The following CASK variants were observed in gnomAD, a reference collection of about 807,000 sequenced individuals.
CASK encodes peripheral plasma membrane protein CASK.
Under a neutral mutation model 82.9 loss-of-function variants are expected in CASK, and 4 were observed. The ratio of observed to expected loss-of-function variants is 0.05; its 90% CI spans 0.02 to 0.11. CASK has a LOEUF of 0.11. CASK is among the 10% of genes least tolerant of loss of function. The pLI is 1.00. For synonymous variants in CASK, 259 were observed against 253.5 expected (o/e 1.02, Z -0.20); for missense variants, 358 against 720.9 (o/e 0.50, Z 5.76).
chrX:41,635,006 CAAT>C (rs745471240), intron 9 of CASK, among the ~76,000 whole-genome samples: 3 of 111,450 alleles, frequency 2.7e-5, no homozygotes, highest in East Asian at 5.6e-4. Flanking sequence ...TCAACACCAA[CAAT>C]GATATGTTAA....
At chrX:41,658,625 T>C in intron 8 of CASK, among the ~76,000 whole-genome samples, 1 of 111,267 alleles carries the variant, frequency 9.0e-6, no homozygotes, top group Non-Finnish European at 1.9e-5. Flanking sequence ...CATTCCAGTG[T>C]GAAGAGGTGG....
chrX:41,737,514 A>G (rs2068518332), intron 5 of CASK, among the ~76,000 whole-genome samples: 1 of 112,302 alleles, frequency 8.9e-6, no homozygotes. Flanking sequence ...TGTATAAAGT[A>G]GGCACTCAAA....
At chrX:41,769,076 AAG>A (rs1336439498) in intron 3 of CASK, among the ~76,000 whole-genome samples, 2 of 111,595 alleles carry the variant, frequency 1.8e-5, no homozygotes, top group Non-Finnish European at 3.8e-5. Flanking sequence ...ACTACGTTAA[AAG>A]AGTTTTAAAT....
chrX:41,876,696 C>T (rs1042279833), intron 1 of CASK, among the ~76,000 whole-genome samples: 1 of 112,002 alleles, frequency 8.9e-6, no homozygotes, highest in African/African-American at 3.2e-5. Flanking sequence ...ACTTTAAAAA[C>T]AATTTTCACA....
intron 5 of CASK, chrX:41,727,032 C>T (rs771101069): frequency 9.0e-7 from 1 of 1,106,639 alleles, no homozygotes; most frequent in Admixed American, 2.7e-5. Context: ...CATAAATGAA[C>T]AACAATACAA....
intron 3 of CASK, among the ~76,000 whole-genome samples, chrX:41,767,090 TTAGAG>T (rs994049963): frequency 8.0e-5 from 9 of 111,929 alleles, no homozygotes; most frequent in African/African-American, 1.6e-4. Flanking sequence ...TTTTGTTTGT[TTAGAG>T]TAAAGAAAAC....
rs986207017 is a variant in CASK, at chrX:41,585,979, G to T, written c.1314+928C>A. ...AGCCTGGCCAACATAGTGAAACCTCGTCTCTACTAAAAATACAAAAATTAT... is the reference window on the plus strand; with the variant it reads ...AGCCTGGCCAACATAGTGAAACCTCTTCTCTACTAAAAATACAAAAATTAT... On this transcript the variant is annotated intron_variant, in intron 14 of 26. Coordinates refer to ENST00000378163, the MANE Select transcript of CASK (RefSeq NM_001367721.1). 9 of 109,904 alleles carry T rather than the reference G, an allele frequency of 8.2e-5. No homozygotes were observed. In the Admixed American group the frequency reaches 8.7e-4, roughly 11 times the overall value. The allele number at this position is 109,904 out of a possible 1,213,427, so 9.1% of individuals were successfully genotyped here.
chrX:41,769,029 T>G (rs1187418825), intron 3 of CASK, among the ~76,000 whole-genome samples: 1 of 111,426 alleles, frequency 9.0e-6, no homozygotes, highest in Non-Finnish European at 1.9e-5. Flanking sequence ...CATGTGTGAA[T>G]ATAAATTGGT....
rs1447494917 is a variant in CASK at position 41,515,074 on chromosome X, T to C, written c.*5346A>G. The C allele has an allele frequency of 8.9e-6, 1 of 112,737 alleles. No homozygotes were observed. The highest frequency in any genetic ancestry group is 1.9e-5 in the Non-Finnish European group (1 of 53,368). The allele number at this position is 112,737 out of a possible 1,213,427, so 9.3% of individuals were successfully genotyped here. A position where few individuals can be genotyped will look rare whatever the true frequency, so the allele number is the denominator to read the frequency against. On this transcript the variant is annotated 3_prime_UTR_variant, in exon 27 of 27. Coordinates refer to ENST00000378163, the MANE Select transcript of CASK (RefSeq NM_001367721.1). ...TACTATGGAGTTTCTCTTCTTCCCC[T>C]GTCACACAAGATAACTGATTAGGGT...
At chrX:41,640,886 T>A (rs1179053323) in intron 8 of CASK, among the ~76,000 whole-genome samples, 1 of 110,677 alleles carries the variant, frequency 9.0e-6, no homozygotes, top group African/African-American at 3.3e-5. Flanking sequence ...TGTATTTTTT[T>A]AAATAAAATT....
At chrX:41,593,479 A>G (rs1209545387) in intron 12 of CASK, among the ~76,000 whole-genome samples, 1 of 111,822 alleles carries the variant, frequency 8.9e-6, no homozygotes, top group Admixed American at 9.5e-5. Context: ...GAAAAAGATG[A>G]GTTTCTGTCT....
At chrX:41,619,987 A>T (rs2066261947) in intron 11 of CASK, among the ~76,000 whole-genome samples, 1 of 112,701 alleles carries the variant, frequency 8.9e-6, no homozygotes, top group African/African-American at 3.2e-5. Context: ...TTCAGCAAAG[A>T]TTGCAATGCT....
intron 1 of CASK, among the ~76,000 whole-genome samples, chrX:41,881,167 G>A (rs770022250): frequency 9.0e-6 from 1 of 111,664 alleles, no homozygotes; most frequent in Non-Finnish European, 1.9e-5. Flanking sequence ...AAGTATCTAA[G>A]AATTGTTTTC....
At chrX:41,772,345 CAAAAAA>C (rs761427437) in intron 3 of CASK, among the ~76,000 whole-genome samples, 2 of 26,356 alleles carry the variant, frequency 7.6e-5, no homozygotes, top group Non-Finnish European at 1.2e-4. Context: ...GACTCTGTCT[CAAAAAA>C]AAAAAAAAAA....
At chrX:41,864,738 A>C (rs753837507) in intron 1 of CASK, among the ~76,000 whole-genome samples, 1 of 112,020 alleles carries the variant, frequency 8.9e-6, no homozygotes, top group African/African-American at 3.2e-5. Context: ...TTAAGTGCCT[A>C]TTCATTAATA....
chrX:41,773,958 T>C (rs1364337441), intron 3 of CASK, among the ~76,000 whole-genome samples: 1 of 111,612 alleles, frequency 9.0e-6, no homozygotes, highest in African/African-American at 3.3e-5. Flanking sequence ...ACACTAAATT[T>C]ATATAAAAGT....
intron 22 of CASK, among the ~76,000 whole-genome samples, chrX:41,538,402 A>G (rs981025841): frequency 8.9e-6 from 1 of 111,802 alleles, no homozygotes; most frequent in Non-Finnish European, 1.9e-5. Context: ...TACATTTTTA[A>G]AAAGTTTACA....
At chrX:41,908,087 G>A (rs2072500030) in intron 1 of CASK, among the ~76,000 whole-genome samples, 1 of 111,376 alleles carries the variant, frequency 9.0e-6, no homozygotes, top group African/African-American at 3.3e-5. Context: ...CCAAGGGTTG[G>A]GGACCCCTGG....
chrX:41,757,110 CTATAT>C, intron 3 of CASK, among the ~76,000 whole-genome samples: 1 of 112,122 alleles, frequency 8.9e-6, no homozygotes, highest in Non-Finnish European at 1.9e-5. Flanking sequence ...CATATGAATA[CTATAT>C]TATTGATATA....
Sources: allele counts gnomAD v4.1 joint callset (sites outside exome capture counted in the v4.1 genomes callset), GRCh38; gene constraint gnomAD v4.1.1; transcripts MANE v1.5; gene names NCBI Gene and HGNC (gene_info 2026-07-23, HGNC 2026-07-21).